CCDC57: variants seen among roughly 807,000 people sequenced by gnomAD.
The protein encoded by CCDC57 is coiled-coil domain containing 57, also known as coiled-coil domain-containing protein 57.
Under a neutral mutation model 118.9 loss-of-function variants are expected in CCDC57, and 118 were observed. The ratio of observed to expected loss-of-function variants is 0.99; its 90% CI spans 0.86 to 1.16. CCDC57 has a LOEUF of 1.16. Among genes scored for constraint, CCDC57 ranks in the 50% most tolerant of loss-of-function variants. CCDC57 has a pLI of 0.00. For synonymous variants in CCDC57, 527 were observed against 532.9 expected (o/e 0.99, Z 0.15); for missense variants, 1,300 against 1,320.7 (o/e 0.98, Z 0.24).
chr17:82,108,552 G>A (rs1447430268), intron 19 of CCDC57, among the ~76,000 whole-genome samples: 1 of 152,176 alleles, frequency 6.6e-6, no homozygotes, highest in East Asian at 1.9e-4. Flanking sequence ...GGTAGTGCAT[G>A]TGACGGTGTC....
chr17:82,125,498 C>T (rs2037299473), intron 19 of CCDC57, among the ~76,000 whole-genome samples: 1 of 152,068 alleles, frequency 6.6e-6, no homozygotes, highest in African/African-American at 2.4e-5. Context: ...GCCTCAGCCT[C>T]CCAAGTAGCT....
intron 19 of CCDC57, among the ~76,000 whole-genome samples, chr17:82,123,418 C>T (rs1424401907): frequency 1.3e-5 from 2 of 151,538 alleles, no homozygotes; most frequent in Non-Finnish European, 1.5e-5. Flanking sequence ...AGTGAGCCAC[C>T]GCCCGGCCTA....
At position 82,141,989 on chromosome 17, in the gene CCDC57, C is replaced by G. The variant is rs1021950292; in HGVS notation, c.2456-7795G>C. On this transcript the variant is annotated intron_variant, in intron 16 of 19. Transcript: ENST00000665763. ...TGCCCTGCCTGCCTCTCCCCTCTAC[C>G]AGAACCAGTTCTGCCTCCATCTGAA... Among the ~76,000 whole-genome samples, 4 of 152,180 alleles carry G rather than the reference C, an allele frequency of 2.6e-5. No individual in the cohort carries two copies. In the East Asian group the frequency reaches 7.7e-4, roughly 29 times the overall value.
chr17:82,134,161 G>A, exon 17 of CCDC57: 1 of 1,352,636 alleles, frequency 7.4e-7, no homozygotes, highest in Non-Finnish European at 9.6e-7. Context: ...CCGGGCCTCA[G>A]GGGCAGGAGG....
chr17:82,192,024 C>T lies in CCDC57; in HGVS notation c.851+1732G>A, dbSNP rs187222446. On this transcript the variant is annotated intron_variant, in intron 7 of 19. Coordinates refer to ENST00000665763, the Ensembl canonical transcript of CCDC57. This position sits in a 1 kb window ranked among gnomAD's most constrained non-coding sequence, Gnocchi z 4.0. ...TTTTTGAAACAGAGTCTCACTCTGT[C>T]ACCCAGGCTGGAGTGCAGTGGCGCG... is the stretch of plus-strand genomic sequence containing the variant. 3.8e-3 allele frequency among the ~76,000 whole-genome samples: 562 copies of T among 149,144 alleles called. 3 individuals carry two copies. Among genetic ancestry groups the T allele is most frequent in the African/African-American group, 0.013 (529 of 40,310 alleles).
chr17:82,188,452 C>A, intron 7 of CCDC57, 33 bp from the exon 7 acceptor site: 1 of 1,587,184 alleles, frequency 6.3e-7, no homozygotes. Context: ...TGGCGCTCAC[C>A]CAGCCCCCAA....
chr17:82,142,800 G>A (rs552725689), intron 16 of CCDC57, among the ~76,000 whole-genome samples: 3 of 152,182 alleles, frequency 2.0e-5, no homozygotes, highest in East Asian at 1.9e-4. Context: ...GTAGTATTCC[G>A]CACATTTGGT....
chr17:82,115,910 G>T (rs1294841229), intron 19 of CCDC57, among the ~76,000 whole-genome samples: 1 of 140,118 alleles, frequency 7.1e-6, no homozygotes, highest in Non-Finnish European at 1.5e-5. Flanking sequence ...CGATTCTCCT[G>T]CCTCAGCCTC....
At chr17:82,164,283 A>G (rs1233335959) in intron 13 of CCDC57, among the ~76,000 whole-genome samples, 1 of 152,080 alleles carries the variant, frequency 6.6e-6, no homozygotes, top group Non-Finnish European at 1.5e-5. Context: ...CGGGAGGCTG[A>G]GGCACGAGAA....
intron 19 of CCDC57, chr17:82,126,285 G>GAA (rs35272996): frequency 1.0e-3 from 569 of 564,600 alleles, no homozygotes; most frequent in Middle Eastern, 4.2e-3. Flanking sequence ...CATCTCAAAG[G>GAA]AAAAAAAAAA....
chr17:82,210,517 CAA>C (rs763608451), intron 1 of CCDC57, among the ~76,000 whole-genome samples: 5 of 130,060 alleles, frequency 3.8e-5, no homozygotes, highest in African/African-American at 2.8e-5. Flanking sequence ...ACTAAAAATA[CAA>C]AAAAAAAAAA....
intron 7 of CCDC57, 70 bp downstream of exon 6, chr17:82,193,686 A>G: frequency 7.1e-7 from 1 of 1,405,478 alleles, no homozygotes; most frequent in Non-Finnish European, 9.9e-7. Flanking sequence ...CCATCAGCAC[A>G]ATGGTTCCAC....
rs1431453821 is a variant in CCDC57 at position 82,119,441 on chromosome 17, C to T, written c.2899+8251G>A. ...CCCTGCACCTGTGGGTGCCCCCCCACCCCTGTGCACCTACGGGTACCCCAC... is the reference window on the plus strand; with the variant it reads ...CCCTGCACCTGTGGGTGCCCCCCCATCCCTGTGCACCTACGGGTACCCCAC... On this transcript the variant is annotated intron_variant, in intron 19 of 19. Coordinates refer to ENST00000665763, the Ensembl canonical transcript of CCDC57. Among the ~76,000 whole-genome samples, 4 of 151,842 alleles carry T rather than the reference C, an allele frequency of 2.6e-5. No individual in the cohort carries two copies. The South Asian group carries it at 8.3e-4, about 32-fold the overall frequency.
intron 13 of CCDC57, among the ~76,000 whole-genome samples, chr17:82,168,672 GA>G (rs1568340613): frequency 5.9e-5 from 9 of 151,926 alleles, no homozygotes. Context: ...TATACCACGC[GA>G]ATGCTAATCA....
At chr17:82,130,330 AT>A (rs1213752534) in intron 17 of CCDC57, among the ~76,000 whole-genome samples, 1 of 150,940 alleles carries the variant, frequency 6.6e-6, no homozygotes, top group African/African-American at 2.4e-5. Context: ...AGTAGCTGGG[AT>A]TACAGATGCC....
chr17:82,106,795 A>C (rs376256101), intron 19 of CCDC57, among the ~76,000 whole-genome samples: 83 of 152,332 alleles, frequency 5.4e-4, no homozygotes, highest in African/African-American at 1.9e-3. Context: ...TGGGGACAGC[A>C]AAAAGCAGCA....
intron 16 of CCDC57, among the ~76,000 whole-genome samples, chr17:82,146,344 C>T (rs561606814): frequency 6.6e-6 from 1 of 152,240 alleles, no homozygotes; most frequent in East Asian, 1.9e-4. Flanking sequence ...TTGCCTAAAC[C>T]TTTGCAATCA....
chr17:82,148,292 C>G (rs1300019741), intron 16 of CCDC57, among the ~76,000 whole-genome samples: 12 of 74,416 alleles, frequency 1.6e-4, no homozygotes, highest in Admixed American at 4.2e-4. Context: ...TGGATGGATA[C>G]ATGGATGGGT....
At chr17:82,189,546 T>C (rs1399473701) in intron 7 of CCDC57, among the ~76,000 whole-genome samples, 2 of 152,102 alleles carry the variant, frequency 1.3e-5, no homozygotes, top group East Asian at 3.9e-4. Context: ...TATGAGCTGA[T>C]GGATGATTTA....
Sources: allele counts gnomAD v4.1 joint callset (sites outside exome capture counted in the v4.1 genomes callset), GRCh38; gene constraint gnomAD v4.1.1; non-coding constraint Gnocchi (gnomAD v3.1); transcripts MANE v1.5; gene names NCBI Gene and HGNC (gene_info 2026-07-23, HGNC 2026-07-21).